PIK3R3: variants seen among roughly 807,000 people sequenced by gnomAD.
PIK3R3 encodes the protein phosphoinositide-3-kinase regulatory subunit 3, also known as phosphatidylinositol 3-kinase regulatory subunit gamma.
PIK3R3 carries 64 observed loss-of-function variants against 62.9 expected under a neutral mutation model. The observed-to-expected ratio is 1.02, with a 90% CI of 0.83 to 1.25. PIK3R3 has a LOEUF of 1.25. PIK3R3 is among the 50% of genes most tolerant of loss of function. PIK3R3 has a pLI of 0.00. For synonymous variants in PIK3R3, 165 were observed against 189.0 expected, an observed-to-expected ratio of 0.87 and a Z score of 1.04; for missense variants, 614 against 561.6, an observed-to-expected ratio of 1.09 and a Z score of -0.94.
At chr1:46,074,054 C>T (rs1012160181) in intron 3 of PIK3R3, among the ~76,000 whole-genome samples, 2 of 148,652 alleles carry the variant, frequency 1.3e-5, no homozygotes, top group African/African-American at 4.9e-5. Flanking sequence ...CTTTGGGAGG[C>T]CGAGGCGGGC....
intron 1 of PIK3R3, among the ~76,000 whole-genome samples, chr1:46,130,227 A>G (rs1431431300): frequency 1.3e-5 from 2 of 152,234 alleles, no homozygotes; most frequent in African/African-American, 2.4e-5. Context: ...CAGTTTGAAT[A>G]TATAATTCTT....
Position 46,132,414 on chromosome 1 carries a change from G to C in PIK3R3, c.-462C>G. 8.7e-7 allele frequency: 1 copy of C among 1,145,714 alleles called. No individual in the cohort carries two copies. Among genetic ancestry groups the C allele is most frequent in the Non-Finnish European group, 1.1e-6 (1 of 920,466 alleles). 71.0% of individuals were successfully genotyped at this position (1,145,714 alleles called of 1,614,324 possible). ...AAGGAAGGCAAAAAAGGGGGCTGGAGATTGCGTTCAAGTTTCGGGGTCCCA... is the reference window on the plus strand; with the variant it reads ...AAGGAAGGCAAAAAAGGGGGCTGGACATTGCGTTCAAGTTTCGGGGTCCCA... On this transcript the variant is annotated 5_prime_UTR_variant, in exon 1 of 10. In the 5' UTR this introduces an upstream ATG that the reference lacks. Transcript: ENST00000262741.
chr1:46,112,993 T>C lies in PIK3R3; in HGVS notation c.106+18854A>G, dbSNP rs147680131. Among the ~76,000 whole-genome samples the C allele has an allele frequency of 3.1e-3, 472 of 152,260 alleles. 2 individuals are homozygous for C. The highest frequency in any genetic ancestry group is 4.5e-3 in the Non-Finnish European group (303 of 68,022). The stretch of plus-strand genomic sequence containing the variant: ...TCAGAATAGCCTCGAAGCCCACCAA[T>C]CCTACTTTTTAAACAACTCTACTAT... On this transcript the variant is annotated intron_variant, in intron 1 of 9. Transcript: ENST00000262741.
chr1:46,143,597 G>C, the PIK3R3 span, among the ~76,000 whole-genome samples: 2 of 151,714 alleles, frequency 1.3e-5, no homozygotes, highest in South Asian at 4.2e-4. Context: ...CTGCTCTTCA[G>C]TGCCAGTAGC....
At chr1:46,063,394 T>A (rs558838813) in intron 5 of PIK3R3, among the ~76,000 whole-genome samples, 2 of 152,338 alleles carry the variant, frequency 1.3e-5, no homozygotes, top group South Asian at 4.1e-4. Flanking sequence ...ATCTTAATAC[T>A]AAAAAGTAAC....
At chr1:46,146,908 G>C in the PIK3R3 span, among the ~76,000 whole-genome samples, 7 of 152,074 alleles carry the variant, frequency 4.6e-5, no homozygotes, top group Non-Finnish European at 7.4e-5. Context: ...CTCACTCTCA[G>C]TGGCCTGAGT....
the PIK3R3 span, among the ~76,000 whole-genome samples, chr1:46,143,454 T>TTTTGC: frequency 1.8e-4 from 27 of 152,284 alleles, no homozygotes; most frequent in African/African-American, 6.3e-4. Flanking sequence ...TTTTGTTTTG[T>TTTTGC]GTTTTTTGAG....
the PIK3R3 span, among the ~76,000 whole-genome samples, chr1:46,139,523 T>A: frequency 1.3e-5 from 2 of 152,104 alleles, no homozygotes; most frequent in Non-Finnish European, 2.9e-5. Context: ...ACCAGGCTGG[T>A]CTTGAACTCC....
At chr1:46,062,847 T>C (rs893663238) in intron 5 of PIK3R3, among the ~76,000 whole-genome samples, 1 of 152,166 alleles carries the variant, frequency 6.6e-6, no homozygotes, top group Admixed American at 6.5e-5. Context: ...TTGGTTTTTT[T>C]AAAACTGTTG....
At chr1:46,151,492 C>T in the PIK3R3 span, among the ~76,000 whole-genome samples, 4 of 152,270 alleles carry the variant, frequency 2.6e-5, no homozygotes, top group African/African-American at 7.2e-5. Context: ...ATCTGTAATC[C>T]CAATACTTTG....
intron 7 of PIK3R3, among the ~76,000 whole-genome samples, chr1:46,051,005 A>G (rs1435889226): frequency 2.6e-5 from 4 of 152,246 alleles, no homozygotes. Context: ...ACAAATCCAT[A>G]GACACAGAAA....
intron 1 of PIK3R3, among the ~76,000 whole-genome samples, chr1:46,095,672 A>C (rs1451865604): frequency 1.3e-5 from 2 of 152,200 alleles, no homozygotes; most frequent in African/African-American, 4.8e-5. Context: ...AAGTAGAAGG[A>C]AAAAAACAAT....
intron 3 of PIK3R3, among the ~76,000 whole-genome samples, chr1:46,074,784 A>G (rs557984566): frequency 2.6e-3 from 389 of 152,336 alleles, no homozygotes; most frequent in African/African-American, 8.7e-3. Context: ...CTTCCCACAC[A>G]TCCCCATCCA....
chr1:46,126,367 G>A (rs1040339781), intron 1 of PIK3R3, among the ~76,000 whole-genome samples: 3 of 150,968 alleles, frequency 2.0e-5, no homozygotes, highest in African/African-American at 4.9e-5. Flanking sequence ...ATAAAACCCC[G>A]TCTCTACTAA....
intron 2 of PIK3R3, among the ~76,000 whole-genome samples, chr1:46,079,544 G>A (rs1450341651): frequency 6.6e-6 from 1 of 152,186 alleles, no homozygotes; most frequent in Non-Finnish European, 1.5e-5. Context: ...GAAATGTTAA[G>A]TACCCACAAA....
At chr1:46,173,608 G>A in the PIK3R3 span, among the ~76,000 whole-genome samples, 7 of 152,160 alleles carry the variant, frequency 4.6e-5, no homozygotes, top group South Asian at 2.1e-4. Flanking sequence ...CCGCTCATCC[G>A]GGAGCCACCT....
At chr1:46,138,574 C>T in the PIK3R3 span, among the ~76,000 whole-genome samples, 3 of 152,186 alleles carry the variant, frequency 2.0e-5, no homozygotes, top group Non-Finnish European at 2.9e-5. Flanking sequence ...GCCAGAGGAT[C>T]GCTTTAGCCC....
the PIK3R3 span, among the ~76,000 whole-genome samples, chr1:46,158,874 T>G: frequency 6.6e-6 from 1 of 152,020 alleles, no homozygotes; most frequent in Non-Finnish European, 1.5e-5. Context: ...GATCACGAGG[T>G]CAGGAGTTCG....
At chr1:46,105,743 C>T (rs1443055582) in intron 1 of PIK3R3, among the ~76,000 whole-genome samples, 1 of 151,646 alleles carries the variant, frequency 6.6e-6, no homozygotes, top group Non-Finnish European at 1.5e-5. Flanking sequence ...ATCGCTTGAA[C>T]CCCGGGGCTG....
Sources: allele counts gnomAD v4.1 joint callset (sites outside exome capture counted in the v4.1 genomes callset), GRCh38; gene constraint gnomAD v4.1.1; transcripts MANE v1.5; gene names NCBI Gene and HGNC (gene_info 2026-07-23, HGNC 2026-07-21).